Variants in PKN2 observed in about 807,000 individuals in gnomAD.
PKN2 encodes serine/threonine-protein kinase N2.
In PKN2, 38 loss-of-function variants were observed where a neutral mutation model predicts 119.1. That is an observed-to-expected ratio of 0.32 (90% CI 0.25 to 0.42). PKN2 has a LOEUF of 0.42. Among genes scored for constraint, PKN2 ranks in the 10% least tolerant of loss-of-function variants. PKN2 has a pLI of 1.00. For synonymous variants in PKN2, 390 were observed against 384.9 expected, an observed-to-expected ratio of 1.01 and a Z score of -0.15; for missense variants, 850 against 1,165.1, an observed-to-expected ratio of 0.73 and a Z score of 3.94.
intron 1 of PKN2, among the ~76,000 whole-genome samples, chr1:88,737,243 T>C (rs1318098329): frequency 6.6e-6 from 1 of 152,198 alleles, no homozygotes; most frequent in Non-Finnish European, 1.5e-5. Context: ...TCAAGTCCAC[T>C]GCAGACAGAC....
intron 6 of PKN2, among the ~76,000 whole-genome samples, chr1:88,772,969 A>G (rs981916541): frequency 6.6e-6 from 1 of 151,884 alleles, no homozygotes; most frequent in Non-Finnish European, 1.5e-5. Context: ...TGTTTCCTAT[A>G]TTGTGGGCTG....
At chr1:88,777,638 A>G (rs1288526212) in intron 6 of PKN2, among the ~76,000 whole-genome samples, 1 of 152,204 alleles carries the variant, frequency 6.6e-6, no homozygotes, top group Non-Finnish European at 1.5e-5. Flanking sequence ...TTTCATTAAT[A>G]TATTGTACAC....
chr1:88,830,331 G>C (rs919778369), intron 19 of PKN2, among the ~76,000 whole-genome samples: 1 of 152,096 alleles, frequency 6.6e-6, no homozygotes, highest in African/African-American at 2.4e-5. Flanking sequence ...GCAGTGTTTA[G>C]GTTGGAAAGA....
At chr1:88,817,819 A>G (rs1247709637) in intron 16 of PKN2, among the ~76,000 whole-genome samples, 3 of 152,194 alleles carry the variant, frequency 2.0e-5, no homozygotes, top group Non-Finnish European at 4.4e-5. Context: ...AATAAGAGCT[A>G]TTTATGACAA....
At chr1:88,758,574 C>T (rs1669311687) in intron 2 of PKN2, among the ~76,000 whole-genome samples, 1 of 152,132 alleles carries the variant, frequency 6.6e-6, no homozygotes, top group South Asian at 2.1e-4. Context: ...TTGTTCTCCT[C>T]TATGTGTCCA....
At chr1:88,726,499 C>A (rs549618017) in intron 1 of PKN2, among the ~76,000 whole-genome samples, 1 of 152,200 alleles carries the variant, frequency 6.6e-6, no homozygotes, top group South Asian at 2.1e-4. Context: ...CATATTGAAC[C>A]AGTCCTATAT....
chr1:88,695,717 C>A (rs1435227804), intron 1 of PKN2, among the ~76,000 whole-genome samples: 1 of 152,052 alleles, frequency 6.6e-6, no homozygotes, highest in African/African-American at 2.4e-5. Flanking sequence ...GGAAAAATTG[C>A]TTCTTCTTGG....
At chr1:88,765,668 T>TGTC (rs1187692083) in intron 3 of PKN2, among the ~76,000 whole-genome samples, 1 of 150,550 alleles carries the variant, frequency 6.6e-6, no homozygotes, top group African/African-American at 2.5e-5. Flanking sequence ...TTGTTGTTGT[T>TGTC]GTCGTCGTCG....
chr1:88,742,289 A>C (rs1370674148), intron 2 of PKN2, among the ~76,000 whole-genome samples: 2 of 152,158 alleles, frequency 1.3e-5, no homozygotes, highest in Non-Finnish European at 2.9e-5. Flanking sequence ...AAAATACATA[A>C]ATTTGGCTAA....
intron 2 of PKN2, among the ~76,000 whole-genome samples, chr1:88,742,950 G>A (rs141417994): frequency 0.019 from 2,945 of 152,200 alleles, 94 homozygotes; most frequent in African/African-American, 0.066. Flanking sequence ...TAGCACTTTG[G>A]GAGGCCAAGG....
At chr1:88,775,709 T>G (rs1670067175) in intron 6 of PKN2, among the ~76,000 whole-genome samples, 1 of 152,218 alleles carries the variant, frequency 6.6e-6, no homozygotes, top group East Asian at 1.9e-4. Flanking sequence ...CAAACTCTCT[T>G]TATGCACCAT....
intron 6 of PKN2, among the ~76,000 whole-genome samples, chr1:88,777,976 C>T (rs572552778): frequency 6.6e-6 from 1 of 152,298 alleles, no homozygotes; most frequent in South Asian, 2.1e-4. Context: ...AGCACTCTTA[C>T]AATACTCCCT....
chr1:88,808,063 A>G (rs1212865601), intron 15 of PKN2, among the ~76,000 whole-genome samples: 1 of 152,124 alleles, frequency 6.6e-6, no homozygotes, highest in Non-Finnish European at 1.5e-5. Context: ...TTTATATGGA[A>G]TAGAAACTGT....
intron 1 of PKN2, among the ~76,000 whole-genome samples, chr1:88,703,972 C>T (rs1339586640): frequency 6.6e-6 from 1 of 151,290 alleles, no homozygotes; most frequent in African/African-American, 2.4e-5. Context: ...CTTTTTTTTT[C>T]AGCATCCTTA....
intron 2 of PKN2, among the ~76,000 whole-genome samples, chr1:88,751,815 G>A (rs1259678155): frequency 2.0e-5 from 3 of 152,054 alleles, no homozygotes; most frequent in Non-Finnish European, 4.4e-5. Flanking sequence ...TTAGAAAGAC[G>A]ATTTCCCCTT....
chr1:88,763,199 G>A (rs1283929735), intron 3 of PKN2, among the ~76,000 whole-genome samples: 1 of 152,210 alleles, frequency 6.6e-6, no homozygotes, highest in Non-Finnish European at 1.5e-5. Flanking sequence ...AGGTTATATG[G>A]TATTTGCACA....
intron 1 of PKN2, 47 bp downstream of exon 1, chr1:88,684,675 A>G (rs1256672251): frequency 5.5e-6 from 8 of 1,450,976 alleles, no homozygotes; most frequent in Non-Finnish European, 7.3e-6. Flanking sequence ...GGAGACAGGG[A>G]GAGAGCCCCG....
At chr1:88,746,901 C>T (rs929624356) in intron 2 of PKN2, among the ~76,000 whole-genome samples, 4 of 152,132 alleles carry the variant, frequency 2.6e-5, no homozygotes, top group African/African-American at 9.7e-5. Context: ...TATATAAACA[C>T]AGTGCAATAC....
Position 88,835,719 on chromosome 1 carries a change from A to C in PKN2, c.*2271A>C. On this transcript the variant is annotated 3_prime_UTR_variant, in exon 22 of 22. Coordinates refer to ENST00000370521, the MANE Select transcript of PKN2 (RefSeq NM_006256.4). The stretch of plus-strand genomic sequence containing the variant: ...ATTCAAATGAAATGTGCCTTTCACT[A>C]TGTCATTCTAAGAAAACAAGTGTTT... 1 of 152,384 alleles carries C rather than the reference A, an allele frequency of 6.6e-6. No individual in the cohort carries two copies. Among genetic ancestry groups the C allele is most frequent in the East Asian group, 1.9e-4 (1 of 5,204 alleles). 9.4% of individuals were successfully genotyped at this position (152,384 alleles called of 1,614,324 possible). A position where few individuals can be genotyped will look rare whatever the true frequency, so the allele number is the denominator to read the frequency against.
Sources: gnomAD v4.1 joint callset for allele counts (sites outside exome capture counted in the v4.1 genomes callset) on GRCh38, gnomAD v4.1.1 for gene constraint, MANE v1.5 for transcripts, NCBI Gene and HGNC (gene_info 2026-07-23, HGNC 2026-07-21) for gene names.